The following PLEKHF1 variants were observed in gnomAD, a reference collection of about 807,000 sequenced individuals.
PLEKHF1 encodes the protein pleckstrin homology domain-containing family F member 1.
In PLEKHF1, 1 loss-of-function variant was observed where a neutral mutation model predicts 4.1. That is an observed-to-expected ratio of 0.24 (90% CI 0.09 to 1.15). PLEKHF1 has a LOEUF of 1.15. Among genes scored for constraint, PLEKHF1 ranks in the 50% most tolerant of loss-of-function variants. The pLI is 0.52. For missense variants in PLEKHF1, 429 were observed against 400.6 expected, an observed-to-expected ratio of 1.07 and a Z score of -0.60; for synonymous variants, 182 against 178.5, an observed-to-expected ratio of 1.02 and a Z score of -0.16.
rs1971659303 is a variant in PLEKHF1 at position 29,673,875 on chromosome 19, C to T, written c.36C>T (p.Ser12=). 1 of 1,607,864 alleles carries T rather than the reference C, an allele frequency of 6.2e-7. No individual in the cohort carries two copies. Among genetic ancestry groups the T allele is most frequent in the Non-Finnish European group, 8.5e-7 (1 of 1,175,794 alleles). The part of the protein sequence containing the change: ...VDHLANTEIN[S]QRIAAVESCF... The stretch of plus-strand genomic sequence containing the variant: ...ACTTGGCCAACACGGAGATCAACAG[C>T]CAGCGCATCGCGGCAGTGGAGAGCT... The change falls in exon 2 of 2, where the codon AGC becomes AGT. Residue 12 remains serine (S), a synonymous_variant. Transcript: ENST00000436066.
chr19:29,672,320 G>A (rs1418359928), intron 1 of PLEKHF1, among the ~76,000 whole-genome samples: 1 of 152,184 alleles, frequency 6.6e-6, no homozygotes, highest in Non-Finnish European at 1.5e-5. Flanking sequence ...ATGAACGAAT[G>A]TGGCTGTGTC....
chr19:29,665,602 C>T (rs948190049), intron 1 of PLEKHF1, 97 bp downstream of exon 1: 7 of 1,213,360 alleles, frequency 5.8e-6, no homozygotes, highest in Admixed American at 3.2e-5. Context: ...CGAGCTCTCT[C>T]CCGCCGCGCG....
intron 1 of PLEKHF1, among the ~76,000 whole-genome samples, chr19:29,672,637 A>G (rs1239845450): frequency 1.3e-5 from 2 of 152,084 alleles, no homozygotes; most frequent in African/African-American, 2.4e-5. Context: ...GAGGTACAGG[A>G]AGGGGGAGAT....
Position 29,674,511 on chromosome 19 carries a change from C to G in PLEKHF1, c.672C>G (p.Gly224=), listed in dbSNP as rs749239943. The part of the protein sequence containing the change: ...QQRQEEAEEQ[G]AGSPGQPAHL... ...GGCAGGAGGAGGCGGAGGAGCAGGG[C>G]GCGGGGTCCCCAGGGCAGCCAGCCC... Residue 224 remains glycine (G), a synonymous_variant, in exon 2 of 2, where the codon GGC becomes GGG. Transcript: ENST00000436066. 5.1e-6 allele frequency: 8 copies of G among 1,560,062 alleles called. No individual in the cohort carries two copies. The highest frequency in any genetic ancestry group is 2.7e-5 in the African/African-American group (2 of 73,598).
In PLEKHF1 at chr19:29,674,382, G is replaced by T; in HGVS notation, c.543G>T (p.Val181=). ...ACCACTGCCGCAAGTGCGGCTTCGT[G>T]GTCTGCGCTGAGTGCTCGCGCCAGC... ...RRHHCRKCGF[V]VCAECSRQRF... is the part of the protein sequence containing the mutation. The change falls in exon 2 of 2, where the codon GTG becomes GTT. Residue 181 remains valine, a synonymous_variant. Coordinates refer to ENST00000436066, the MANE Select transcript of PLEKHF1 (RefSeq NM_024310.5). 6.5e-7 allele frequency: 1 copy of T among 1,535,562 alleles called. No homozygotes were observed. Among genetic ancestry groups the T allele is most frequent in the African/African-American group, 1.4e-5 (1 of 73,068 alleles).
intron 1 of PLEKHF1, among the ~76,000 whole-genome samples, chr19:29,667,833 CAG>C (rs1971586763): frequency 2.0e-5 from 3 of 151,502 alleles, no homozygotes; most frequent in Admixed American, 1.3e-4. Context: ...TGGTGTAGAT[CAG>C]GGGTTGGCTA....
In PLEKHF1 at chr19:29,669,551, G is replaced by A. The variant is rs139485004; in HGVS notation, c.-17+4046G>A. On this transcript the variant is annotated intron_variant, in intron 1 of 1. Coordinates refer to ENST00000436066, the MANE Select transcript of PLEKHF1 (RefSeq NM_024310.5). ...GTCACCCTATCAGGCCCAGCCAGGCGTCCCATCATGAGACATGCTCAGCGG... is the reference window on the plus strand; with the variant it reads ...GTCACCCTATCAGGCCCAGCCAGGCATCCCATCATGAGACATGCTCAGCGG... 3.4e-3 allele frequency among the ~76,000 whole-genome samples: 525 copies of A among 152,264 alleles called. 4 individuals carry two copies. The highest frequency in any genetic ancestry group is 0.012 in the African/African-American group (508 of 41,552).
chr19:29,674,821 C>G lies in PLEKHF1; in HGVS notation c.*142C>G, dbSNP rs996074685. 3.2e-6 allele frequency: 4 copies of G among 1,267,572 alleles called. No individual in the cohort carries two copies. In the African/African-American group the frequency reaches 6.1e-5, roughly 19 times the overall value. 78.5% of individuals were successfully genotyped at this position (1,267,572 alleles called of 1,614,324 possible). A position where few individuals can be genotyped will look rare whatever the true frequency, so the allele number is the denominator to read the frequency against. Reference sequence around the variant, plus strand: ...GGTGGGGAGTGGCTCTTTCTGGACTCCCAGTGCCTTTTTGCTGGACACTGT... The same window carrying G: ...GGTGGGGAGTGGCTCTTTCTGGACTGCCAGTGCCTTTTTGCTGGACACTGT... On this transcript the variant is annotated 3_prime_UTR_variant, in exon 2 of 2. Transcript: ENST00000436066.
chr19:29,673,787 G>A (rs778626736), intron 1 of PLEKHF1, 37 bp from the exon 2 acceptor site: 1 of 1,556,230 alleles, frequency 6.4e-7, no homozygotes, highest in Non-Finnish European at 8.7e-7. Context: ...CCCCATGCCT[G>A]AGCCTGGACA....
At chr19:29,672,343 T>C (rs537082959) in intron 1 of PLEKHF1, among the ~76,000 whole-genome samples, 1 of 152,274 alleles carries the variant, frequency 6.6e-6, no homozygotes, top group South Asian at 2.1e-4. Context: ...AATAAATCTT[T>C]AACAAAAGCA....
intron 1 of PLEKHF1, among the ~76,000 whole-genome samples, chr19:29,673,611 G>A (rs1250636038): frequency 6.6e-6 from 1 of 152,102 alleles, no homozygotes; most frequent in East Asian, 1.9e-4. Context: ...CCTTTACTGG[G>A]AAATCCCCCT....
rs900942011 is a variant in PLEKHF1 at position 29,671,566 on chromosome 19, C to G, written c.-16-2258C>G. ...GTCCCTCAGCCAGGTACTCGGTGAT[C>G]AGTCATGGTGGGACAGGTCAGTTCT... On this transcript the variant is annotated intron_variant, in intron 1 of 1. Coordinates refer to ENST00000436066, the MANE Select transcript of PLEKHF1 (RefSeq NM_024310.5). The surrounding 1 kb of genome is among the most constrained non-coding windows in gnomAD (Gnocchi z 4.0). 1.3e-5 allele frequency among the ~76,000 whole-genome samples: 2 copies of G among 152,146 alleles called. No individual in the cohort carries two copies. Among genetic ancestry groups the G allele is most frequent in the Non-Finnish European group, 2.9e-5 (2 of 68,036 alleles).
chr19:29,670,700 C>T (rs145809849), intron 1 of PLEKHF1, among the ~76,000 whole-genome samples: 30 of 150,702 alleles, frequency 2.0e-4, no homozygotes, highest in East Asian at 1.7e-3. Context: ...TTTTTTGAGA[C>T]GGAGTCTCAC....
At chr19:29,667,750 G>A (rs566541180) in intron 1 of PLEKHF1, among the ~76,000 whole-genome samples, 22 of 152,076 alleles carry the variant, frequency 1.4e-4, no homozygotes, top group African/African-American at 4.8e-4. Flanking sequence ...GACGACTCCC[G>A]TCAGGACAGT....
chr19:29,673,174 G>A (rs1971649870), intron 1 of PLEKHF1, among the ~76,000 whole-genome samples: 1 of 152,160 alleles, frequency 6.6e-6, no homozygotes, highest in Non-Finnish European at 1.5e-5. Context: ...GGTGACTGCT[G>A]CACTTCCTGG....
At chr19:29,670,634 A>G (rs1003180916) in intron 1 of PLEKHF1, among the ~76,000 whole-genome samples, 3 of 151,906 alleles carry the variant, frequency 2.0e-5, no homozygotes, top group African/African-American at 4.8e-5. Flanking sequence ...GTCTGGATAT[A>G]TATCCAGAAG....
chr19:29,674,120 T>C lies in PLEKHF1; in HGVS notation c.281T>C (p.Leu94Pro). 6.2e-7 allele frequency: 1 copy of C among 1,613,940 alleles called. No homozygotes were observed. ...ACACTGGAGCTGTTGCCGGAGACGCTGCAGGCCAAGAACCGCTGGATGATC... is the reference window on the plus strand; with the variant it reads ...ACACTGGAGCTGTTGCCGGAGACGCCGCAGGCCAAGAACCGCTGGATGATC... The part of the protein sequence containing the change: ...EVTLELLPET[L>P]QAKNRWMIKT... The change falls in exon 2 of 2, where the codon CTG (leucine) becomes CCG (proline). Residue 94 changes from leucine to proline, a missense_variant. Transcript: ENST00000436066.
Position 29,671,116 on chromosome 19 carries a change from T to C in PLEKHF1, c.-16-2708T>C, listed in dbSNP as rs1758636076. ...TTTTTTTCCCCTCCTTTTTTTTTTTTTGAGATGGAATCTCACTCTGTCACA... is the reference window on the plus strand; with the variant it reads ...TTTTTTTCCCCTCCTTTTTTTTTTTCTGAGATGGAATCTCACTCTGTCACA... On this transcript the variant is annotated intron_variant, in intron 1 of 1. Coordinates refer to ENST00000436066, the MANE Select transcript of PLEKHF1 (RefSeq NM_024310.5). The surrounding 1 kb of genome is among the most constrained non-coding windows in gnomAD (Gnocchi z 4.0). 6.6e-6 allele frequency among the ~76,000 whole-genome samples: 1 copy of C among 151,712 alleles called. No individual in the cohort carries two copies. The highest frequency in any genetic ancestry group is 6.6e-5 in the Admixed American group (1 of 15,214).
chr19:29,670,178 C>T (rs550486309), intron 1 of PLEKHF1, among the ~76,000 whole-genome samples: 4 of 152,288 alleles, frequency 2.6e-5, no homozygotes, highest in Non-Finnish European at 5.9e-5. Context: ...GTGATCTGCC[C>T]GCCTTGGCCT....
Sources: gnomAD v4.1 joint callset for allele counts (sites outside exome capture counted in the v4.1 genomes callset) on GRCh38, gnomAD v4.1.1 for gene constraint, Gnocchi (gnomAD v3.1) non-coding constraint, MANE v1.5 for transcripts, NCBI Gene and HGNC (gene_info 2026-07-23, HGNC 2026-07-21) for gene names.